The following TFCP2 variants were observed in gnomAD, a reference collection of about 807,000 sequenced individuals.
TFCP2 encodes transcription factor CP2, also known as alpha-globin transcription factor CP2.
Under a neutral mutation model 73.4 loss-of-function variants are expected in TFCP2, and 33 were observed. That is an observed-to-expected ratio of 0.45 (90% confidence interval 0.34 to 0.60). The LOEUF is 0.60. Among genes scored for constraint, TFCP2 ranks in the 20% least tolerant of loss-of-function variants. The pLI, the probability that TFCP2 is intolerant of heterozygous loss-of-function variation, is 0.01. For synonymous variants in TFCP2, 193 were observed against 211.6 expected (o/e 0.91, Z 0.76); for missense variants, 352 against 604.0 (o/e 0.58, Z 4.37).
At chr12:51,166,317 A>AAAT (rs1209878871) in intron 1 of TFCP2, among the ~76,000 whole-genome samples, 5 of 151,784 alleles carry the variant, frequency 3.3e-5, no homozygotes, top group Non-Finnish European at 5.9e-5. Context: ...CCATCTCAAA[A>AAAT]AATAATAATA....
chr12:51,164,431 T>C (rs1219599806), intron 1 of TFCP2, among the ~76,000 whole-genome samples: 3 of 151,828 alleles, frequency 2.0e-5, no homozygotes, highest in Non-Finnish European at 4.4e-5. Flanking sequence ...ACCCTGTCTC[T>C]ACTAAAAATA....
chr12:51,162,413 T>C (rs1241585819), intron 1 of TFCP2, among the ~76,000 whole-genome samples: 1 of 151,250 alleles, frequency 6.6e-6, no homozygotes, highest in Non-Finnish European at 1.5e-5. Context: ...GCCACTGCAC[T>C]TGAGCCTGGG....
chr12:51,134,349 A>G (rs952601093), intron 1 of TFCP2, among the ~76,000 whole-genome samples: 1 of 152,100 alleles, frequency 6.6e-6, no homozygotes, highest in African/African-American at 2.4e-5. Flanking sequence ...CGGTGGTGCA[A>G]TCTTGGCTGA....
intron 1 of TFCP2, among the ~76,000 whole-genome samples, chr12:51,131,957 TA>T (rs930639986): frequency 6.6e-6 from 1 of 152,220 alleles, no homozygotes; most frequent in Non-Finnish European, 1.5e-5. Context: ...CTCTATTTTG[TA>T]CTCACTTCTC....
chr12:51,155,681 T>C (rs1270520937), intron 1 of TFCP2, among the ~76,000 whole-genome samples: 1 of 151,710 alleles, frequency 6.6e-6, no homozygotes, highest in East Asian at 1.9e-4. Context: ...ATAATCCTTT[T>C]AATATGCTGT....
At position 51,149,024 on chromosome 12, in the gene TFCP2, C is replaced by CA. The variant is rs60318954; in HGVS notation, c.122+23276dup. Among the ~76,000 whole-genome samples, 187 of 37,992 alleles carry CA rather than the reference C, an allele frequency of 4.9e-3. 11 individuals are homozygous for CA. The highest frequency in any genetic ancestry group is 0.015 in the African/African-American group (163 of 11,044). The allele number at this position is 37,992 out of a possible 152,430, so 24.9% of individuals were successfully genotyped here. A position where few individuals can be genotyped will look rare whatever the true frequency, so the allele number is the denominator to read the frequency against. ...TGAGCAACAGAGCAAGACTCCATCT[C>CA]AAAAAAAAAAAAAAAAACAGAAAGA... is the stretch of plus-strand genomic sequence containing the variant. On this transcript the variant is annotated intron_variant, in intron 1 of 14. Transcript: ENST00000257915.
chr12:51,156,045 CAAAAAAAAAAAAAA>C (rs71712150), intron 1 of TFCP2, among the ~76,000 whole-genome samples: 122,012 of 146,804 alleles, frequency 0.83, 50,730 homozygotes, highest in Non-Finnish European at 0.88. Context: ...CTTTTTGTCT[CAAAAAAAAAAAAAA>C]AAAAAAAAAA....
intron 4 of TFCP2, among the ~76,000 whole-genome samples, chr12:51,116,028 A>G (rs1194833921): frequency 6.6e-6 from 1 of 152,238 alleles, no homozygotes; most frequent in Non-Finnish European, 1.5e-5. Flanking sequence ...CCACTTAAAA[A>G]TGGTTAAAAT....
At chr12:51,166,149 T>C (rs1045754415) in intron 1 of TFCP2, among the ~76,000 whole-genome samples, 3 of 151,722 alleles carry the variant, frequency 2.0e-5, no homozygotes, top group Admixed American at 6.6e-5. Context: ...ACCCCGTCTC[T>C]ACTAAAAATA....
chr12:51,148,284 G>GT (rs879501515), intron 1 of TFCP2, among the ~76,000 whole-genome samples: 29 of 152,172 alleles, frequency 1.9e-4, no homozygotes, highest in Non-Finnish European at 2.8e-4. Flanking sequence ...CCACTGCTGG[G>GT]TATCTACCCA....
intron 1 of TFCP2, among the ~76,000 whole-genome samples, chr12:51,148,068 A>G (rs1941335967): frequency 6.6e-6 from 1 of 152,204 alleles, no homozygotes; most frequent in African/African-American, 2.4e-5. Flanking sequence ...GGAAATGAAA[A>G]TCAAAACCTC....
At chr12:51,130,928 C>T (rs139444423) in intron 1 of TFCP2, among the ~76,000 whole-genome samples, 176 of 151,476 alleles carry the variant, frequency 1.2e-3, no homozygotes, top group African/African-American at 4.0e-3. Flanking sequence ...GCAGGGGTTG[C>T]AGTGAGCCGA....
At chr12:51,119,981 C>T (rs1222762324) in intron 1 of TFCP2, among the ~76,000 whole-genome samples, 3 of 151,594 alleles carry the variant, frequency 2.0e-5, no homozygotes, top group African/African-American at 4.8e-5. Flanking sequence ...GAGTTTGAGA[C>T]CAGCCTGGCC....
At chr12:51,163,702 G>A (rs901649475) in intron 1 of TFCP2, among the ~76,000 whole-genome samples, 2 of 151,868 alleles carry the variant, frequency 1.3e-5, no homozygotes, top group South Asian at 2.1e-4. Context: ...TGGGAGAATC[G>A]CTTGAGCCCA....
At chr12:51,160,590 T>A (rs1486515450) in intron 1 of TFCP2, among the ~76,000 whole-genome samples, 6 of 151,804 alleles carry the variant, frequency 4.0e-5, no homozygotes, top group South Asian at 2.1e-4. Flanking sequence ...AGAAGGAGGG[T>A]TGGATCAACT....
chr12:51,157,686 C>T (rs2934095), intron 1 of TFCP2, among the ~76,000 whole-genome samples: 79,016 of 95,824 alleles, frequency 0.82, 33,202 homozygotes, highest in Non-Finnish European at 0.89. Flanking sequence ...CTTTTCTTTT[C>T]TTTTTTTTTT....
At position 51,152,381 on chromosome 12, in the gene TFCP2, A is replaced by C. The variant is rs1218699906; in HGVS notation, c.122+19920T>G. ...GAACTGTTCCAGATTAAAGGAGATG[A>C]AAGAGACAAGGTCACTGAATCAACA... On this transcript the variant is annotated intron_variant, in intron 1 of 14. Coordinates refer to ENST00000257915, the MANE Select transcript of TFCP2 (RefSeq NM_005653.5). Among the ~76,000 whole-genome samples, 3 of 152,346 alleles carry C rather than the reference A, an allele frequency of 2.0e-5. No individual in the cohort carries two copies. The East Asian group carries it at 5.8e-4, about 29-fold the overall frequency.
At chr12:51,115,257 C>T (rs1450453665) in intron 4 of TFCP2, among the ~76,000 whole-genome samples, 1 of 151,210 alleles carries the variant, frequency 6.6e-6, no homozygotes, top group Non-Finnish European at 1.5e-5. Flanking sequence ...GTAGCTGGGA[C>T]TACAGGCGCC....
intron 1 of TFCP2, among the ~76,000 whole-genome samples, chr12:51,156,111 G>A (rs1941532348): frequency 6.6e-6 from 1 of 151,528 alleles, no homozygotes; most frequent in Non-Finnish European, 1.5e-5. Flanking sequence ...TAGCATCTTT[G>A]TAGGGCTTTG....
Sources: allele counts gnomAD v4.1 joint callset (sites outside exome capture counted in the v4.1 genomes callset), GRCh38; gene constraint gnomAD v4.1.1; transcripts MANE v1.5; gene names NCBI Gene and HGNC (gene_info 2026-07-23, HGNC 2026-07-21).